The following NDC1 variants were observed in gnomAD, a reference collection of about 807,000 sequenced individuals.
NDC1 encodes NDC1 transmembrane nucleoporin.
NDC1 carries 24 observed loss-of-function variants against 89.8 expected under a neutral mutation model. The ratio of observed to expected loss-of-function variants is 0.27; its 90% CI spans 0.19 to 0.38. The LOEUF (loss-of-function observed/expected upper bound fraction) is 0.38. NDC1 is among the 10% of genes least tolerant of loss of function. NDC1 has a pLI of 1.00. For synonymous variants in NDC1, 296 were observed against 284.8 expected, an observed-to-expected ratio of 1.04 and a Z score of -0.39; for missense variants, 728 against 797.6, an observed-to-expected ratio of 0.91 and a Z score of 1.05.
chr1:53,776,536 C>T (rs1647165048), intron 16 of NDC1, among the ~76,000 whole-genome samples: 1 of 151,990 alleles, frequency 6.6e-6, no homozygotes, highest in Non-Finnish European at 1.5e-5. Flanking sequence ...TTAATTTCAC[C>T]TGTATTTTGT....
chr1:53,814,536 G>A (rs902026873), intron 6 of NDC1, among the ~76,000 whole-genome samples: 2 of 151,748 alleles, frequency 1.3e-5, no homozygotes, highest in Non-Finnish European at 2.9e-5. Context: ...CACACCTCAA[G>A]GAACTAGAGA....
chr1:53,791,414 C>T (rs374267144), intron 14 of NDC1, among the ~76,000 whole-genome samples: 7 of 143,196 alleles, frequency 4.9e-5, no homozygotes, highest in Non-Finnish European at 9.0e-5. Context: ...CCAGCCTGGG[C>T]GACAGAGCGA....
At chr1:53,814,357 AAAAT>A (rs574505547) in intron 6 of NDC1, among the ~76,000 whole-genome samples, 4 of 151,706 alleles carry the variant, frequency 2.6e-5, no homozygotes, top group Admixed American at 1.3e-4. Flanking sequence ...TCCGTCTCAA[AAAAT>A]AAATAAATAA....
intron 13 of NDC1, among the ~76,000 whole-genome samples, chr1:53,794,042 C>G (rs1417935026): frequency 2.6e-5 from 4 of 151,706 alleles, no homozygotes; most frequent in Admixed American, 2.6e-4. Context: ...GTGGCACATT[C>G]ATAGCTCACT....
chr1:53,791,532 T>C (rs921927273), intron 14 of NDC1, among the ~76,000 whole-genome samples: 1 of 152,136 alleles, frequency 6.6e-6, no homozygotes, highest in Admixed American at 6.6e-5. Context: ...CGTACCACCA[T>C]GGAATAGTGT....
chr1:53,815,526 CCT>C (rs1431049000), intron 6 of NDC1, among the ~76,000 whole-genome samples: 4 of 152,294 alleles, frequency 2.6e-5, no homozygotes, highest in African/African-American at 9.6e-5. Context: ...GAAAGCATTC[CCT>C]CTGAGAACTG....
chr1:53,802,148 CTA>C (rs1647943091), intron 10 of NDC1, among the ~76,000 whole-genome samples: 1 of 152,116 alleles, frequency 6.6e-6, no homozygotes, highest in South Asian at 2.1e-4. Context: ...TATAGAATTC[CTA>C]TGTTAACTCA....
rs528749979 is a variant in NDC1 at position 53,827,773 on chromosome 1, T to C, written c.455+226A>G. Among the ~76,000 whole-genome samples the C allele has an allele frequency of 1.4e-4, 21 of 152,354 alleles. No individual in the cohort carries two copies. The South Asian group carries it at 3.9e-3, about 29-fold the overall frequency. On this transcript the variant is annotated intron_variant, in intron 4 of 17. Transcript: ENST00000371429. ...TTCTCAACTCTCAAAGAGCTTATAG[T>C]CTATGTTTGAGTCACTCTCATAAAT...
rs147783023 is a variant in NDC1 at position 53,820,053 on chromosome 1, G to A, written c.595-974C>T. 9.9e-4 allele frequency among the ~76,000 whole-genome samples: 151 copies of A among 152,174 alleles called. 1 individual carries two copies. Among genetic ancestry groups the A allele is most frequent in the African/African-American group, 2.8e-3 (117 of 41,526 alleles). On this transcript the variant is annotated intron_variant, in intron 5 of 17. Transcript: ENST00000371429. Reference sequence around the variant, plus strand: ...GTGTGTCACTTGAGGTCAGGGGTTCGTAACCAGCCTGACCAATGTGGTGAA... The same window carrying A: ...GTGTGTCACTTGAGGTCAGGGGTTCATAACCAGCCTGACCAATGTGGTGAA...
chr1:53,773,785 A>G (rs1647139188), intron 16 of NDC1, among the ~76,000 whole-genome samples: 1 of 151,984 alleles, frequency 6.6e-6, no homozygotes, highest in African/African-American at 2.4e-5. Flanking sequence ...AGGGCTTTGG[A>G]ACTCATCCCT....
chr1:53,784,807 A>T (rs1229375103), intron 16 of NDC1, among the ~76,000 whole-genome samples: 2 of 151,730 alleles, frequency 1.3e-5, no homozygotes, highest in Admixed American at 6.6e-5. Context: ...AAAAAACATA[A>T]ATCAGCTGGG....
intron 3 of NDC1, among the ~76,000 whole-genome samples, chr1:53,831,556 C>T (rs988499920): frequency 2.0e-5 from 3 of 151,790 alleles, no homozygotes; most frequent in African/African-American, 7.3e-5. Context: ...GCCTGTAATC[C>T]CAGCTACTCC....
Position 53,807,775 on chromosome 1 carries a change from G to A in NDC1, c.772C>T (p.Leu258Phe), listed in dbSNP as rs769264092. The A allele has an allele frequency of 1.9e-6, 3 of 1,608,862 alleles. No homozygotes were observed. The highest frequency in any genetic ancestry group is 2.2e-5 in the East Asian group (1 of 44,820). Residue 258 changes from leucine to phenylalanine, a missense_variant, in exon 8 of 18, where the codon CTT (leucine) becomes TTT (phenylalanine). By Grantham distance (22) the Leu-to-Phe change is conservative (BLOSUM62 0). Coordinates refer to ENST00000371429, the MANE Select transcript of NDC1 (RefSeq NM_018087.5). ...LHIDEQVHRP[L>F]DTVSGLLNLS... ...TTTAAGAGGCCACTCACTGTGTCAA[G>A]TGGCCTATGAACCTGCCTGTGAATG...
chr1:53,819,849 A>G (rs1648604755), intron 5 of NDC1, among the ~76,000 whole-genome samples: 1 of 152,192 alleles, frequency 6.6e-6, no homozygotes, highest in African/African-American at 2.4e-5. Context: ...TAATGATCTA[A>G]GACAGGGGTG....
intron 5 of NDC1, among the ~76,000 whole-genome samples, chr1:53,824,694 A>G (rs1320104015): frequency 2.0e-5 from 3 of 152,222 alleles, no homozygotes; most frequent in Non-Finnish European, 4.4e-5. Context: ...CAGTTCCAGG[A>G]ATGACTCCTA....
At chr1:53,816,012 G>A (rs1321277154) in intron 6 of NDC1, among the ~76,000 whole-genome samples, 1 of 152,088 alleles carries the variant, frequency 6.6e-6, no homozygotes, top group Non-Finnish European at 1.5e-5. Flanking sequence ...TTATGAAAAT[G>A]ACCATACTGC....
In NDC1 at chr1:53,819,668, CA is replaced by C; in HGVS notation, c.595-590del. Among the ~76,000 whole-genome samples the C allele has an allele frequency of 2.6e-5, 4 of 152,130 alleles. No individual in the cohort carries two copies. The Middle Eastern group carries it at 0.01, about 388-fold the overall frequency. ...ACTGAATTTTTAAAAATGCTCTTTG[CA>C]AAAAAATGGGAGGCAGTGAAGAAGA... On this transcript the variant is annotated intron_variant, in intron 5 of 17. Transcript: ENST00000371429.
intron 6 of NDC1, among the ~76,000 whole-genome samples, chr1:53,818,050 ATAGAG>A (rs1450502687): frequency 1.3e-5 from 2 of 152,196 alleles, no homozygotes; most frequent in African/African-American, 4.8e-5. Flanking sequence ...TCATTTCTAG[ATAGAG>A]TAATGACCAA....
intron 6 of NDC1, among the ~76,000 whole-genome samples, chr1:53,810,934 C>A (rs887121886): frequency 3.3e-5 from 5 of 152,208 alleles, no homozygotes; most frequent in Admixed American, 6.5e-5. Context: ...CCGGGAGACA[C>A]CCCAAATACT....
Sources: allele counts gnomAD v4.1 joint callset (sites outside exome capture counted in the v4.1 genomes callset), GRCh38; gene constraint gnomAD v4.1.1; transcripts MANE v1.5; gene names NCBI Gene and HGNC (gene_info 2026-07-23, HGNC 2026-07-21).